The following GLCCI1 variants were observed in gnomAD, a reference collection of about 807,000 sequenced individuals.
GLCCI1 encodes the protein glucocorticoid-induced transcript 1 protein.
A neutral mutation model predicts 52.2 loss-of-function variants in GLCCI1; 24 were observed. That is an observed-to-expected ratio of 0.46 (90% CI 0.33 to 0.65). The LOEUF is 0.65. Among genes scored for constraint, GLCCI1 ranks in the 30% least tolerant of loss-of-function variants. The pLI, the probability that GLCCI1 is intolerant of heterozygous loss-of-function variation, is 0.02. For missense variants in GLCCI1, 704 were observed against 701.5 expected (o/e 1.00, Z -0.04); for synonymous variants, 310 against 276.5 (o/e 1.12, Z -1.20).
At chr7:7,986,952 C>A (rs936129700) in intron 1 of GLCCI1, among the ~76,000 whole-genome samples, 1 of 152,128 alleles carries the variant, frequency 6.6e-6, no homozygotes, top group Non-Finnish European at 1.5e-5. Context: ...GCATTCTTTC[C>A]ATGTCCTAAT....
intron 3 of GLCCI1, among the ~76,000 whole-genome samples, chr7:8,044,478 T>C (rs1284348516): frequency 6.6e-6 from 1 of 151,868 alleles, no homozygotes; most frequent in Non-Finnish European, 1.5e-5. Flanking sequence ...AAGTGATCCT[T>C]CTACCTCTCA....
At chr7:8,084,502 T>A (rs1258235039) in intron 6 of GLCCI1, 1 of 154,064 alleles carries the variant, frequency 6.5e-6, no homozygotes, top group East Asian at 1.9e-4. Context: ...TTAAATTGGT[T>A]GGGCAGTGAG....
chr7:8,009,165 A>G (rs1418735211), intron 2 of GLCCI1, among the ~76,000 whole-genome samples: 1 of 152,174 alleles, frequency 6.6e-6, no homozygotes, highest in Non-Finnish European at 1.5e-5. Context: ...ACTAAAATCC[A>G]TTTGTGAAAT....
In GLCCI1 at chr7:8,087,332, C is replaced by T. The variant is rs191691979; in HGVS notation, c.*794C>T. On this transcript the variant is annotated 3_prime_UTR_variant, in exon 8 of 8. Transcript: ENST00000223145. ...ACAAGTAAAACAACTGTTGCATTCACTGTTTCAACATGTGTACATGTGGCT... is the reference window on the plus strand; with the variant it reads ...ACAAGTAAAACAACTGTTGCATTCATTGTTTCAACATGTGTACATGTGGCT... The T allele has an allele frequency of 6.5e-6, 1 of 152,746 alleles. No homozygotes were observed. The highest frequency in any genetic ancestry group is 2.4e-5 in the African/African-American group (1 of 41,556). The allele number at this position is 152,746 out of a possible 1,614,324, so 9.5% of individuals were successfully genotyped here. A position where few individuals can be genotyped will look rare whatever the true frequency, so the allele number is the denominator to read the frequency against.
Position 8,086,374 on chromosome 7 carries a change from G to C in GLCCI1, c.1480G>C (p.Val494Leu), listed in dbSNP as rs374066040. The change falls in exon 8 of 8, where the codon GTT becomes CTT. Residue 494 changes from valine to leucine, a missense_variant. By Grantham distance (32) the Val-to-Leu change is conservative. Coordinates refer to ENST00000223145, the MANE Select transcript of GLCCI1 (RefSeq NM_138426.4). The surrounding 1 kb of genome is among the most constrained non-coding windows in gnomAD (Gnocchi z 4.4). ...GQSSALATLT[V>L]EQLSSRVSFT... is the part of the protein sequence containing the mutation. Reference sequence around the variant, plus strand: ...GAGCTCAGCTTTGGCAACTCTGACCGTTGAGCAGCTCTCATCCCGGGTTTC... The same window carrying C: ...GAGCTCAGCTTTGGCAACTCTGACCCTTGAGCAGCTCTCATCCCGGGTTTC... 2.7e-5 allele frequency: 43 copies of C among 1,613,992 alleles called. No individual in the cohort carries two copies. Among genetic ancestry groups the C allele is most frequent in the African/African-American group, 1.7e-4 (13 of 74,884 alleles).
intron 3 of GLCCI1, among the ~76,000 whole-genome samples, chr7:8,049,931 A>G (rs976346946): frequency 6.6e-6 from 1 of 152,246 alleles, no homozygotes; most frequent in Non-Finnish European, 1.5e-5. Flanking sequence ...ATTTGTGAAC[A>G]GTGTTTTTAA....
chr7:8,026,773 G>T (rs1781631112), intron 3 of GLCCI1, among the ~76,000 whole-genome samples: 1 of 152,236 alleles, frequency 6.6e-6, no homozygotes, highest in Non-Finnish European at 1.5e-5. Context: ...CCAGCAGTCA[G>T]AACTTTTTAT....
At chr7:8,050,892 A>AT (rs1430611951) in intron 3 of GLCCI1, among the ~76,000 whole-genome samples, 2 of 152,338 alleles carry the variant, frequency 1.3e-5, no homozygotes, top group Non-Finnish European at 2.9e-5. Context: ...AATAGTACCT[A>AT]TCTCATGTGC....
rs1780298523 is a variant in GLCCI1 at position 7,969,671 on chromosome 7, C to G, written c.321C>G (p.Ser107=). The change falls in exon 1 of 8, where the codon TCC becomes TCG. Residue 107 remains serine (S), a synonymous_variant. Coordinates refer to ENST00000223145, the MANE Select transcript of GLCCI1 (RefSeq NM_138426.4). This position sits in a 1 kb window ranked among gnomAD's most constrained non-coding sequence, Gnocchi z 4.9. ...GCGCGGCCCGCGGCCCCAGCCCGTC[C>G]AGCCCGACGCCGCCGGCGGCCGCAG... The part of the protein sequence containing the change: ...GPGAARGPSP[S]SPTPPAAAAP... The G allele has an allele frequency of 1.8e-6, 2 of 1,084,950 alleles. No homozygotes were observed. Among genetic ancestry groups the G allele is most frequent in the Non-Finnish European group, 1.1e-6 (1 of 895,352 alleles). The allele number at this position is 1,084,950 out of a possible 1,614,324, so 67.2% of individuals were successfully genotyped here.
intron 1 of GLCCI1, among the ~76,000 whole-genome samples, chr7:7,972,127 G>T (rs541258375): frequency 7.4e-4 from 113 of 152,258 alleles, no homozygotes; most frequent in African/African-American, 2.3e-3. Context: ...TTTTTCGAAT[G>T]ATTATCTTCT....
intron 4 of GLCCI1, among the ~76,000 whole-genome samples, chr7:8,056,168 G>A (rs1782393617): frequency 6.6e-6 from 1 of 151,854 alleles, no homozygotes; most frequent in Non-Finnish European, 1.5e-5. Flanking sequence ...GACTGGTGGT[G>A]GGTTCCTGTA....
In GLCCI1 at chr7:8,086,809, T is replaced by C; in HGVS notation, c.*271T>C. On this transcript the variant is annotated 3_prime_UTR_variant, in exon 8 of 8. Coordinates refer to ENST00000223145, the MANE Select transcript of GLCCI1 (RefSeq NM_138426.4). This position sits in a 1 kb window ranked among gnomAD's most constrained non-coding sequence, Gnocchi z 4.4. ...GTATATTTGACAGATTAGTACTGTG[T>C]CCTGTGTTTTGTTCCAGATTCTTCA... 1 of 346,214 alleles carries C rather than the reference T, an allele frequency of 2.9e-6. No individual in the cohort carries two copies. Among genetic ancestry groups the C allele is most frequent in the South Asian group, 7.2e-5 (1 of 13,962 alleles). The allele number at this position is 346,214 out of a possible 1,614,324, so 21.4% of individuals were successfully genotyped here.
chr7:7,980,303 A>G (rs715377), intron 1 of GLCCI1: 22,660 of 161,666 alleles, frequency 0.14, 2,541 homozygotes, highest in African/African-American at 0.31. Context: ...AGCTGAGGAG[A>G]AGTGGGTGCC....
At chr7:8,074,127 A>T (rs75279610) in intron 6 of GLCCI1, among the ~76,000 whole-genome samples, 4,160 of 152,312 alleles carry the variant, frequency 0.027, 81 homozygotes, top group Middle Eastern at 0.058. Context: ...TGTATGTCAG[A>T]TATTGTACTG....
chr7:8,028,880 A>G (rs1202984673), intron 3 of GLCCI1, among the ~76,000 whole-genome samples: 2 of 152,172 alleles, frequency 1.3e-5, no homozygotes, highest in African/African-American at 4.8e-5. Flanking sequence ...TCAGATACAT[A>G]TAACCTACCA....
intron 1 of GLCCI1, among the ~76,000 whole-genome samples, chr7:7,999,392 G>C (rs1195290479): frequency 6.6e-6 from 1 of 152,110 alleles, no homozygotes; most frequent in Non-Finnish European, 1.5e-5. Context: ...AGGATTGCTT[G>C]AGGCCAGGAG....
At chr7:8,038,008 A>G (rs565186919) in intron 3 of GLCCI1, among the ~76,000 whole-genome samples, 1 of 152,160 alleles carries the variant, frequency 6.6e-6, no homozygotes, top group Non-Finnish European at 1.5e-5. Context: ...GCAAAGAAAC[A>G]CTGGACTTAA....
rs1022830819 is a variant in GLCCI1 at position 8,088,033 on chromosome 7, G to A, written c.*1495G>A. 22 of 152,224 alleles carry A rather than the reference G, an allele frequency of 1.4e-4. No individual in the cohort carries two copies. The highest frequency in any genetic ancestry group is 5.1e-4 in the African/African-American group (21 of 41,550). The allele number at this position is 152,224 out of a possible 1,614,324, so 9.4% of individuals were successfully genotyped here. ...TTTCAGTTCAATAAAACCTAGAGTT[G>A]TTTCATCTGCGCCTAAAGTGTATGG... On this transcript the variant is annotated 3_prime_UTR_variant, in exon 8 of 8. Transcript: ENST00000223145.
At chr7:7,992,257 A>T (rs1042867978) in intron 1 of GLCCI1, among the ~76,000 whole-genome samples, 23 of 151,788 alleles carry the variant, frequency 1.5e-4, no homozygotes, top group African/African-American at 5.6e-4. Context: ...CTATCCTTCT[A>T]TGGTCATTTA....
Sources: allele counts gnomAD v4.1 joint callset (sites outside exome capture counted in the v4.1 genomes callset), GRCh38; gene constraint gnomAD v4.1.1; non-coding constraint Gnocchi (gnomAD v3.1); transcripts MANE v1.5; gene names NCBI Gene and HGNC (gene_info 2026-07-23, HGNC 2026-07-21).